Variants in CCDC178 observed in about 807,000 individuals in gnomAD.
CCDC178 encodes the protein coiled-coil domain containing 178.
CCDC178 carries 126 observed loss-of-function variants against 117.4 expected under a neutral mutation model. That is an observed-to-expected ratio of 1.07 (90% confidence interval 0.93 to 1.24). The LOEUF is 1.24. CCDC178 is among the 50% of genes most tolerant of loss of function. The pLI, the probability that CCDC178 is intolerant of heterozygous loss-of-function variation, is 0.00. For missense variants in CCDC178, 1,030 were observed against 986.9 expected, an observed-to-expected ratio of 1.04 and a Z score of -0.59; for synonymous variants, 283 against 313.4, an observed-to-expected ratio of 0.90 and a Z score of 1.02.
Position 32,974,640 on chromosome 18 carries a change from C to A in CCDC178, c.2430G>T (p.Glu810Asp), listed in dbSNP as rs761181378. The change falls in exon 22 of 23, where the codon GAG (glutamate) becomes GAT (aspartate). Residue 810 changes from glutamate to aspartate, a missense_variant. Transcript: ENST00000383096. ...LQRRMHTLWQ[E>D]HFKLVVLFSQ... ...TGAAGAGGACCACCAGTTTGAAGTG[C>A]TCCTGCCACAGTGTGTGCATCCTTC... 1 of 1,613,292 alleles carries A rather than the reference C, an allele frequency of 6.2e-7. No individual in the cohort carries two copies. Among genetic ancestry groups the A allele is most frequent in the Non-Finnish European group, 8.5e-7 (1 of 1,179,654 alleles).
chr18:33,318,315 G>C (rs562346317), intron 11 of CCDC178, among the ~76,000 whole-genome samples: 1 of 152,278 alleles, frequency 6.6e-6, no homozygotes, highest in Non-Finnish European at 1.5e-5. Flanking sequence ...GAATATCAGG[G>C]AGGAGAAGCT....
chr18:33,131,644 A>C (rs1328977897), intron 20 of CCDC178, among the ~76,000 whole-genome samples: 1 of 151,790 alleles, frequency 6.6e-6, no homozygotes, highest in Non-Finnish European at 1.5e-5. Context: ...ACATTAAAAG[A>C]ATATTTGTTG....
chr18:33,155,136 A>G (rs1432607644), intron 20 of CCDC178, among the ~76,000 whole-genome samples: 2 of 152,150 alleles, frequency 1.3e-5, no homozygotes, highest in Non-Finnish European at 2.9e-5. Context: ...CCAGTAAATT[A>G]CAAAAATGAA....
intron 5 of CCDC178, among the ~76,000 whole-genome samples, chr18:33,374,413 G>T (rs1025153062): frequency 6.6e-6 from 1 of 152,138 alleles, no homozygotes; most frequent in East Asian, 1.9e-4. Context: ...TCAAGAAAAT[G>T]CACATTTAAC....
rs552458011 is a variant in CCDC178, at chr18:33,142,271, A to G, written c.2239-49361T>C. ...AATGCACAAGAAAGCCCTTCATGAC[A>G]AAGGCTTATCCAGCCCGAGATGTCA... is the stretch of plus-strand genomic sequence containing the variant. On this transcript the variant is annotated intron_variant, in intron 20 of 22. Coordinates refer to ENST00000383096, the MANE Select transcript of CCDC178 (RefSeq NM_001105528.4). Among the ~76,000 whole-genome samples the G allele has an allele frequency of 5.9e-5, 9 of 152,318 alleles. No homozygotes were observed. The South Asian group carries it at 1.9e-3, about 32-fold the overall frequency.
chr18:33,125,702 A>C (rs984678825), intron 20 of CCDC178, among the ~76,000 whole-genome samples: 1 of 152,218 alleles, frequency 6.6e-6, no homozygotes, highest in Non-Finnish European at 1.5e-5. Context: ...TAGTAAAGAG[A>C]GCAACAGGAA....
chr18:33,109,572 C>G (rs1282533310), intron 20 of CCDC178, among the ~76,000 whole-genome samples: 1 of 151,536 alleles, frequency 6.6e-6, no homozygotes, highest in Non-Finnish European at 1.5e-5. Context: ...AATACACCAA[C>G]ATAACTAGCA....
intron 22 of CCDC178, among the ~76,000 whole-genome samples, chr18:32,958,853 C>G (rs2054646878): frequency 6.6e-6 from 1 of 152,138 alleles, no homozygotes; most frequent in African/African-American, 2.4e-5. Flanking sequence ...TGACCACAGG[C>G]TGATTTTTAA....
intron 5 of CCDC178, among the ~76,000 whole-genome samples, chr18:33,380,686 T>G (rs148398527): frequency 3.9e-5 from 6 of 152,344 alleles, no homozygotes; most frequent in Admixed American, 1.3e-4. Flanking sequence ...GCCTGCATTC[T>G]CTTCCCTGGG....
chr18:33,160,453 T>C (rs1333045609), intron 20 of CCDC178, among the ~76,000 whole-genome samples: 1 of 152,144 alleles, frequency 6.6e-6, no homozygotes, highest in Non-Finnish European at 1.5e-5. Context: ...CTTGTAATTT[T>C]ATATTCAAGT....
At chr18:33,324,711 G>A (rs2062561936) in intron 10 of CCDC178, among the ~76,000 whole-genome samples, 1 of 137,004 alleles carries the variant, frequency 7.3e-6, no homozygotes, top group African/African-American at 2.6e-5. Context: ...ACTACAATAA[G>A]CCTTCCTGTC....
intron 21 of CCDC178, among the ~76,000 whole-genome samples, chr18:33,037,775 C>T (rs1347248793): frequency 6.6e-6 from 1 of 151,922 alleles, no homozygotes; most frequent in Non-Finnish European, 1.5e-5. Flanking sequence ...GAAAACTACA[C>T]TAGCTCATTC....
chr18:33,337,373 C>G (rs1311520660), intron 9 of CCDC178, among the ~76,000 whole-genome samples: 2 of 152,076 alleles, frequency 1.3e-5, no homozygotes, highest in African/African-American at 4.8e-5. Context: ...TTGACTTCCT[C>G]TTTACCCATC....
At chr18:33,162,708 T>G (rs1210072348) in intron 20 of CCDC178, among the ~76,000 whole-genome samples, 3 of 152,200 alleles carry the variant, frequency 2.0e-5, no homozygotes, top group African/African-American at 7.2e-5. Flanking sequence ...CCTGCATTAG[T>G]TTGCCAAGGA....
At chr18:33,264,821 A>C (rs1373315838) in intron 14 of CCDC178, among the ~76,000 whole-genome samples, 1 of 152,112 alleles carries the variant, frequency 6.6e-6, no homozygotes, top group Non-Finnish European at 1.5e-5. Context: ...TGATCTCACT[A>C]ATGTACTTTT....
At chr18:33,308,802 C>T (rs1454312839) in intron 11 of CCDC178, among the ~76,000 whole-genome samples, 2 of 152,176 alleles carry the variant, frequency 1.3e-5, no homozygotes, top group African/African-American at 4.8e-5. Flanking sequence ...CTTCATTCAG[C>T]TCTCATACTT....
intron 11 of CCDC178, among the ~76,000 whole-genome samples, chr18:33,318,326 G>C (rs1265875988): frequency 2.6e-5 from 4 of 152,170 alleles, no homozygotes; most frequent in Non-Finnish European, 4.4e-5. Flanking sequence ...AGGAGAAGCT[G>C]AGATCATTGG....
chr18:33,266,822 C>A, intron 14 of CCDC178, 94 bp downstream of exon 14: 3 of 1,192,884 alleles, frequency 2.5e-6, no homozygotes, highest in South Asian at 1.9e-5. Flanking sequence ...ACAAAAACAC[C>A]ACCATATAAC....
At chr18:33,203,136 T>C (rs2062160234) in intron 20 of CCDC178, among the ~76,000 whole-genome samples, 1 of 152,178 alleles carries the variant, frequency 6.6e-6, no homozygotes, top group South Asian at 2.1e-4. Flanking sequence ...TTGTATTAAT[T>C]CAAGTCCTGA....
Sources: allele counts gnomAD v4.1 joint callset (sites outside exome capture counted in the v4.1 genomes callset), GRCh38; gene constraint gnomAD v4.1.1; transcripts MANE v1.5; gene names NCBI Gene and HGNC (gene_info 2026-07-23, HGNC 2026-07-21).